GPATCH2: variants seen among roughly 807,000 people sequenced by gnomAD.
The protein encoded by GPATCH2 is G-patch domain containing 2, also known as G patch domain-containing protein 2.
GPATCH2 carries 51 observed loss-of-function variants against 58.0 expected under a neutral mutation model. The ratio of observed to expected loss-of-function variants is 0.88; its 90% CI spans 0.70 to 1.11. The LOEUF (loss-of-function observed/expected upper bound fraction) is 1.11. Among genes scored for constraint, GPATCH2 ranks in the 50% most tolerant of loss-of-function variants. The probability of loss-of-function intolerance (pLI) is 0.00; values close to 1 mark genes in which losing one functional copy is unlikely to be tolerated. For synonymous variants in GPATCH2, 222 were observed against 218.5 expected, an observed-to-expected ratio of 1.02 and a Z score of -0.14; for missense variants, 625 against 652.2, an observed-to-expected ratio of 0.96 and a Z score of 0.45.
chr1:217,618,177 G>A (rs1297789249), intron 2 of GPATCH2, among the ~76,000 whole-genome samples: 1 of 149,650 alleles, frequency 6.7e-6, no homozygotes, highest in Non-Finnish European at 1.5e-5. Flanking sequence ...CAATTTTCTT[G>A]CAAGAAAAAC....
intron 5 of GPATCH2, among the ~76,000 whole-genome samples, chr1:217,577,175 A>G (rs1273712952): frequency 6.6e-6 from 1 of 152,350 alleles, no homozygotes; most frequent in South Asian, 2.1e-4. Flanking sequence ...GAAAGATAAT[A>G]AAAGGCTTTA....
rs868616255 is a variant in GPATCH2 at position 217,558,592 on chromosome 1, G to A, written c.1099-43703C>T. On this transcript the variant is annotated intron_variant, in intron 5 of 9. Coordinates refer to ENST00000366935, the MANE Select transcript of GPATCH2 (RefSeq NM_018040.5). ...AGGTGTTTAAATTAAATTCTGGTACGTTCCCTGTTTAGACTTCCTATATTC... is the reference window on the plus strand; with the variant it reads ...AGGTGTTTAAATTAAATTCTGGTACATTCCCTGTTTAGACTTCCTATATTC... Among the ~76,000 whole-genome samples, 12 of 152,042 alleles carry A rather than the reference G, an allele frequency of 7.9e-5. No homozygotes were observed. In the South Asian group the frequency reaches 1.0e-3, roughly 13 times the overall value.
chr1:217,583,251 A>C (rs1041136446), intron 5 of GPATCH2, among the ~76,000 whole-genome samples: 8 of 152,140 alleles, frequency 5.3e-5, no homozygotes, highest in African/African-American at 1.9e-4. Flanking sequence ...ATAAAATGAG[A>C]AAGTGCAACA....
At chr1:217,466,911 G>A (rs757006661) in intron 8 of GPATCH2, among the ~76,000 whole-genome samples, 4 of 152,156 alleles carry the variant, frequency 2.6e-5, no homozygotes, top group Non-Finnish European at 5.9e-5. Flanking sequence ...GGTGGCTCAC[G>A]CCTGTAATCC....
intron 8 of GPATCH2, among the ~76,000 whole-genome samples, chr1:217,454,260 A>ACTTGACTAG (rs1659813685): frequency 6.6e-6 from 1 of 152,172 alleles, no homozygotes; most frequent in African/African-American, 2.4e-5. Context: ...TTTCAAGTAT[A>ACTTGACTAG]AATGTTTTAT....
intron 5 of GPATCH2, among the ~76,000 whole-genome samples, chr1:217,581,624 G>C (rs1165101882): frequency 6.6e-6 from 1 of 152,184 alleles, no homozygotes; most frequent in Non-Finnish European, 1.5e-5. Context: ...GGTCTGCCCA[G>C]CTCTGGAGTG....
At chr1:217,624,459 G>C (rs1669351853) in intron 1 of GPATCH2, among the ~76,000 whole-genome samples, 1 of 152,232 alleles carries the variant, frequency 6.6e-6, no homozygotes, top group Admixed American at 6.5e-5. Context: ...GGAGGCTGTA[G>C]TGAGCCAAGA....
intron 2 of GPATCH2, among the ~76,000 whole-genome samples, chr1:217,616,793 C>T (rs1225978743): frequency 6.6e-6 from 1 of 152,074 alleles, no homozygotes; most frequent in Non-Finnish European, 1.5e-5. Flanking sequence ...TCCACATATG[C>T]TGGATGAACA....
At chr1:217,472,445 G>A (rs1180993413) in intron 8 of GPATCH2, among the ~76,000 whole-genome samples, 1 of 151,968 alleles carries the variant, frequency 6.6e-6, no homozygotes, top group Non-Finnish European at 1.5e-5. Flanking sequence ...GGGACTACAG[G>A]CGCCCGCCAC....
At chr1:217,547,499 C>G (rs551087075) in intron 5 of GPATCH2, among the ~76,000 whole-genome samples, 1 of 152,112 alleles carries the variant, frequency 6.6e-6, no homozygotes, top group African/African-American at 2.4e-5. Context: ...AAATACCATT[C>G]GATCCAGCAA....
intron 5 of GPATCH2, among the ~76,000 whole-genome samples, chr1:217,542,074 G>A (rs1664772478): frequency 6.6e-6 from 1 of 152,246 alleles, no homozygotes; most frequent in South Asian, 2.1e-4. Flanking sequence ...ATTTTAAGGA[G>A]GGCTATATAC....
At position 217,430,986 on chromosome 1, in the gene GPATCH2, C is replaced by T. The variant is rs1658506603; in HGVS notation, c.*159G>A. The stretch of plus-strand genomic sequence containing the variant: ...AGCACCATGAATTGTGATGAAATCC[C>T]ATTTCTCTCACTATGGCAGGACTGT... On this transcript the variant is annotated 3_prime_UTR_variant, in exon 10 of 10. Transcript: ENST00000366935. The T allele has an allele frequency of 3.2e-6, 2 of 616,226 alleles. No homozygotes were observed. The highest frequency in any genetic ancestry group is 5.8e-6 in the Non-Finnish European group (2 of 344,014). 38.2% of individuals were successfully genotyped at this position (616,226 alleles called of 1,614,324 possible).
chr1:217,484,062 C>T (rs1483602069), intron 8 of GPATCH2, among the ~76,000 whole-genome samples: 1 of 152,084 alleles, frequency 6.6e-6, no homozygotes, highest in African/African-American at 2.4e-5. Flanking sequence ...ATGTTGGTTA[C>T]TTTTAACCAA....
intron 5 of GPATCH2, among the ~76,000 whole-genome samples, chr1:217,584,453 C>T (rs929235055): frequency 4.6e-5 from 7 of 150,874 alleles, no homozygotes; most frequent in Non-Finnish European, 7.4e-5. Context: ...TGCTTGAACC[C>T]GGGAGGCGGA....
chr1:217,431,486 G>C (rs1392206576), intron 9 of GPATCH2, 121 bp from the exon 10 acceptor site: 1 of 654,228 alleles, frequency 1.5e-6, no homozygotes, highest in Non-Finnish European at 2.8e-6. Flanking sequence ...GTACTAGAGG[G>C]GGTTGCGTAT....
At chr1:217,590,737 T>C (rs1298095346) in intron 5 of GPATCH2, among the ~76,000 whole-genome samples, 2 of 152,336 alleles carry the variant, frequency 1.3e-5, no homozygotes, top group Non-Finnish European at 2.9e-5. Flanking sequence ...TAGAAGGCAT[T>C]TGAACTTCGG....
At chr1:217,441,219 G>T (rs1456927530) in intron 9 of GPATCH2, among the ~76,000 whole-genome samples, 2 of 152,138 alleles carry the variant, frequency 1.3e-5, no homozygotes, top group Non-Finnish European at 2.9e-5. Flanking sequence ...ACAACCATCT[G>T]ATCTTTGACA....
chr1:217,537,599 C>T (rs775441549), intron 5 of GPATCH2, among the ~76,000 whole-genome samples: 16 of 152,002 alleles, frequency 1.1e-4, no homozygotes, highest in Non-Finnish European at 1.8e-4. Context: ...GAATCATTAC[C>T]ACAACAAATG....
chr1:217,599,812 G>A (rs1668027701), intron 5 of GPATCH2, among the ~76,000 whole-genome samples: 1 of 152,008 alleles, frequency 6.6e-6, no homozygotes, highest in African/African-American at 2.4e-5. Context: ...ATACTTTTGT[G>A]AATTTTTATA....
Sources: allele counts gnomAD v4.1 joint callset (sites outside exome capture counted in the v4.1 genomes callset), GRCh38; gene constraint gnomAD v4.1.1; transcripts MANE v1.5; gene names NCBI Gene and HGNC (gene_info 2026-07-23, HGNC 2026-07-21).